Variants in WDPCP observed in about 807,000 individuals in gnomAD.
The protein encoded by WDPCP is WD repeat containing planar cell polarity effector, also known as WD repeat-containing and planar cell polarity effector protein fritz homolog.
A neutral mutation model predicts 93.1 loss-of-function variants in WDPCP; 71 were observed. The observed-to-expected ratio is 0.76, with a 90% CI of 0.63 to 0.93. The LOEUF (loss-of-function observed/expected upper bound fraction) is 0.93. WDPCP is among the 40% of genes least tolerant of loss of function. The pLI is 0.00. For synonymous variants in WDPCP, 315 were observed against 315.0 expected (o/e 1.00, Z 0.00); for missense variants, 844 against 887.4 (o/e 0.95, Z 0.62).
At chr2:63,521,061 G>A (rs1052062199) in intron 1 of WDPCP, among the ~76,000 whole-genome samples, 6 of 152,168 alleles carry the variant, frequency 3.9e-5, no homozygotes, top group African/African-American at 1.4e-4. Context: ...CCTAAAGGGA[G>A]TGTTAAATAT....
intron 1 of WDPCP, among the ~76,000 whole-genome samples, chr2:63,539,158 AATTAG>A (rs1038835079): frequency 3.3e-5 from 5 of 152,324 alleles, no homozygotes; most frequent in East Asian, 1.9e-4. Flanking sequence ...CCCAATATGC[AATTAG>A]ATTAGTTTTT....
At chr2:63,816,087 G>C (rs1670929886) in intron 1 of WDPCP, among the ~76,000 whole-genome samples, 1 of 151,940 alleles carries the variant, frequency 6.6e-6, no homozygotes, top group Non-Finnish European at 1.5e-5. Context: ...TATACAGGTT[G>C]AACAATTCTT....
intron 2 of WDPCP, among the ~76,000 whole-genome samples, chr2:63,708,498 T>G (rs1051979787): frequency 6.6e-6 from 1 of 152,080 alleles, no homozygotes; most frequent in Non-Finnish European, 1.5e-5. Context: ...AGGGTGGGAG[T>G]GACCCGATTT....
chr2:63,591,180 C>G (rs1446569), upstream of WDPCP, among the ~76,000 whole-genome samples: 122,264 of 152,196 alleles, frequency 0.8, 49,767 homozygotes, highest in East Asian at 0.98. Context: ...GACCTTGGCA[C>G]ACTGCCCAGA....
intron 12 of WDPCP, among the ~76,000 whole-genome samples, chr2:63,332,724 G>A (rs1688071203): frequency 6.6e-6 from 1 of 152,078 alleles, no homozygotes; most frequent in Non-Finnish European, 1.5e-5. Context: ...CTTTTGAAGA[G>A]CAGAAGCTTC....
intron 4 of WDPCP, among the ~76,000 whole-genome samples, chr2:63,485,595 A>T (rs913412541): frequency 6.6e-6 from 1 of 151,860 alleles, no homozygotes; most frequent in Non-Finnish European, 1.5e-5. Context: ...CAATTGAATA[A>T]TGATAAGCCT....
At chr2:63,674,460 A>T (rs747040367) in intron 2 of WDPCP, among the ~76,000 whole-genome samples, 6 of 152,210 alleles carry the variant, frequency 3.9e-5, no homozygotes, top group Non-Finnish European at 8.8e-5. Flanking sequence ...CAGGATAAAT[A>T]CTGCATGATT....
intron 12 of WDPCP, among the ~76,000 whole-genome samples, chr2:63,325,094 C>T (rs543781142): frequency 3.9e-5 from 6 of 152,092 alleles, no homozygotes; most frequent in South Asian, 2.1e-4. Flanking sequence ...CTGGCAACCT[C>T]GGGGTTCTAT....
chr2:63,285,291 G>A (rs1451526901), intron 13 of WDPCP, among the ~76,000 whole-genome samples: 6 of 152,024 alleles, frequency 3.9e-5, no homozygotes, highest in African/African-American at 1.4e-4. Flanking sequence ...AAAATTAGCC[G>A]GGTGTGGTGG....
chr2:63,295,360 T>C (rs1226504076), intron 13 of WDPCP, among the ~76,000 whole-genome samples: 1 of 151,784 alleles, frequency 6.6e-6, no homozygotes, highest in Non-Finnish European at 1.5e-5. Flanking sequence ...ACAGAATAGA[T>C]AAAAACTGAC....
At chr2:63,606,115 C>T in intron 3 of WDPCP, 1 of 1,240,042 alleles carries the variant, frequency 8.1e-7, no homozygotes, top group Non-Finnish European at 1.2e-6. Flanking sequence ...GGCACAGTGG[C>T]TCACGCCTAT....
chr2:63,654,552 A>T (rs989262449), intron 2 of WDPCP, among the ~76,000 whole-genome samples: 1 of 152,162 alleles, frequency 6.6e-6, no homozygotes, highest in Non-Finnish European at 1.5e-5. Flanking sequence ...GAAAAGCTTG[A>T]TGTGAAAGGA....
intron 2 of WDPCP, among the ~76,000 whole-genome samples, chr2:63,798,626 T>C (rs920461988): frequency 1.3e-5 from 2 of 151,700 alleles, no homozygotes; most frequent in Non-Finnish European, 2.9e-5. Context: ...GAAAAACACC[T>C]TTACTAATAG....
chr2:63,612,931 C>CTTTTTTTT (rs553611122), intron 3 of WDPCP, among the ~76,000 whole-genome samples: 1 of 142,240 alleles, frequency 7.0e-6, no homozygotes, highest in South Asian at 2.2e-4. Context: ...TTCTTTCTTT[C>CTTTTTTTT]TTTTTTTTTT....
At position 63,813,022 on chromosome 2, in the gene WDPCP, T is replaced by A. The variant is rs906983585; in HGVS notation, n.308+600A>T. ...CACATAACACCACACTCAGCTAATT[T>A]AAAAAAAAAAATTGTAGATATGAGG... On this transcript the variant is annotated intron_variant and non_coding_transcript_variant, in intron 2 of 4. Transcript: ENST00000467687. Among the ~76,000 whole-genome samples the A allele has an allele frequency of 4.7e-5, 7 of 147,374 alleles. 1 individual carries two copies. Among genetic ancestry groups the A allele is most frequent in the Middle Eastern group, 6.9e-3 (2 of 288 alleles).
At chr2:63,425,108 T>C (rs188677021) in intron 9 of WDPCP, among the ~76,000 whole-genome samples, 22 of 152,300 alleles carry the variant, frequency 1.4e-4, no homozygotes, top group Non-Finnish European at 2.8e-4. Context: ...TAGCCACACA[T>C]GAAGATCCTG....
At chr2:63,782,314 G>A (rs1011741830) in intron 2 of WDPCP, among the ~76,000 whole-genome samples, 1 of 152,040 alleles carries the variant, frequency 6.6e-6, no homozygotes, top group Non-Finnish European at 1.5e-5. Flanking sequence ...ATAGACAAAT[G>A]GGATTTAATT....
chr2:63,407,602 C>A (rs1305275560), intron 9 of WDPCP, among the ~76,000 whole-genome samples: 1 of 152,172 alleles, frequency 6.6e-6, no homozygotes, highest in East Asian at 1.9e-4. Context: ...CTCTGTTTGT[C>A]CTACCAACCA....
At chr2:63,534,334 G>A (rs1207511216) in intron 1 of WDPCP, among the ~76,000 whole-genome samples, 1 of 152,032 alleles carries the variant, frequency 6.6e-6, no homozygotes, top group Non-Finnish European at 1.5e-5. Flanking sequence ...AATAGAAAAA[G>A]AGGTAATCCT....
Sources: gnomAD v4.1 joint callset for allele counts (sites outside exome capture counted in the v4.1 genomes callset) on GRCh38, gnomAD v4.1.1 for gene constraint, MANE v1.5 for transcripts, NCBI Gene and HGNC (gene_info 2026-07-23, HGNC 2026-07-21) for gene names.